The following PDE1A variants were observed in gnomAD, a reference collection of about 807,000 sequenced individuals.
PDE1A encodes dual specificity calcium/calmodulin-dependent 3',5'-cyclic nucleotide phosphodiesterase 1A.
A neutral mutation model predicts 61.7 loss-of-function variants in PDE1A; 35 were observed. That is an observed-to-expected ratio of 0.57 (90% CI 0.43 to 0.75). The LOEUF (loss-of-function observed/expected upper bound fraction) is 0.75. Ranked by LOEUF, PDE1A falls within the 30% of genes least tolerant of loss-of-function variation. The pLI, the probability that PDE1A is intolerant of heterozygous loss-of-function variation, is 0.00. For synonymous variants in PDE1A, 232 were observed against 213.2 expected (o/e 1.09, Z -0.77); for missense variants, 597 against 630.6 (o/e 0.95, Z 0.57).
At chr2:182,292,759 T>G (rs570408622) in intron 1 of PDE1A, among the ~76,000 whole-genome samples, 2 of 152,112 alleles carry the variant, frequency 1.3e-5, no homozygotes, top group African/African-American at 4.8e-5. Context: ...TCTCTCTTTC[T>G]TACCTTTTAA....
At chr2:182,334,846 G>T (rs892492452) in intron 1 of PDE1A, among the ~76,000 whole-genome samples, 1 of 152,160 alleles carries the variant, frequency 6.6e-6, no homozygotes, top group African/African-American at 2.4e-5. Flanking sequence ...GTCTCTGTTT[G>T]CAGATGACAT....
chr2:182,559,842 T>C, the PDE1A span, among the ~76,000 whole-genome samples: 1 of 152,126 alleles, frequency 6.6e-6, no homozygotes, highest in African/African-American at 2.4e-5. Context: ...CTCGCACAAG[T>C]ATCATCGAGC....
chr2:182,487,476 A>G (rs1327317559), intron 2 of PDE1A, among the ~76,000 whole-genome samples: 1 of 152,222 alleles, frequency 6.6e-6, no homozygotes, highest in Non-Finnish European at 1.5e-5. Context: ...TCACAGCAGC[A>G]TTATTTGTAA....
chr2:182,502,568 T>C (rs1293282630), intron 2 of PDE1A, among the ~76,000 whole-genome samples: 2 of 152,206 alleles, frequency 1.3e-5, no homozygotes, highest in African/African-American at 4.8e-5. Flanking sequence ...CAGCTATGTA[T>C]GTATTTGTTA....
chr2:182,611,439 T>C, the PDE1A span, among the ~76,000 whole-genome samples: 1 of 152,240 alleles, frequency 6.6e-6, no homozygotes, highest in Non-Finnish European at 1.5e-5. Context: ...AGGCACAGTA[T>C]TTCCTCTTTG....
chr2:182,592,074 C>T, the PDE1A span, among the ~76,000 whole-genome samples: 1 of 152,208 alleles, frequency 6.6e-6, no homozygotes, highest in African/African-American at 2.4e-5. Flanking sequence ...TAACCATCCT[C>T]TGACTTCAAA....
intron 1 of PDE1A, among the ~76,000 whole-genome samples, chr2:182,403,184 A>G (rs372342206): frequency 3.3e-5 from 5 of 152,210 alleles, no homozygotes; most frequent in African/African-American, 9.7e-5. Context: ...TATATACCCA[A>G]AGGACTATAA....
chr2:182,192,766 A>G lies in PDE1A; in HGVS notation c.1126-3706T>C, dbSNP rs572516579. ...CTGAGGTTCTCAGGCCCCACAGCTTATACCTGTCTTTACAATTCCCTGGAG... is the reference window on the plus strand; with the variant it reads ...CTGAGGTTCTCAGGCCCCACAGCTTGTACCTGTCTTTACAATTCCCTGGAG... On this transcript the variant is annotated intron_variant, in intron 10 of 13. Transcript: ENST00000351439. Among the ~76,000 whole-genome samples the G allele has an allele frequency of 3.8e-4, 58 of 152,224 alleles. 2 individuals are homozygous for G. In the South Asian group the frequency reaches 0.011, roughly 29 times the overall value.
intron 1 of PDE1A, among the ~76,000 whole-genome samples, chr2:182,331,584 T>A (rs748139855): frequency 9.9e-5 from 15 of 152,162 alleles, no homozygotes; most frequent in Non-Finnish European, 8.8e-5. Context: ...CTGTAAAAAA[T>A]TTTATTTCTC....
At chr2:182,274,933 A>G (rs1693300422) in intron 1 of PDE1A, among the ~76,000 whole-genome samples, 1 of 152,122 alleles carries the variant, frequency 6.6e-6, no homozygotes, top group Non-Finnish European at 1.5e-5. Flanking sequence ...ACTGGTATAA[A>G]CTTCTGAGTT....
chr2:182,267,480 C>G (rs1692720518), intron 1 of PDE1A, among the ~76,000 whole-genome samples: 1 of 150,406 alleles, frequency 6.6e-6, no homozygotes, highest in African/African-American at 2.4e-5. Context: ...CTATGCCAAC[C>G]CCAAAAGACT....
At chr2:182,706,125 T>C in the PDE1A span, among the ~76,000 whole-genome samples, 4 of 152,174 alleles carry the variant, frequency 2.6e-5, no homozygotes, top group Non-Finnish European at 5.9e-5. Context: ...CATCAGCAGG[T>C]CAGGCATTTG....
At chr2:182,182,950 A>G (rs1313132660) in intron 13 of PDE1A, among the ~76,000 whole-genome samples, 1 of 152,110 alleles carries the variant, frequency 6.6e-6, no homozygotes, top group Non-Finnish European at 1.5e-5. Flanking sequence ...TAATCTGGTA[A>G]TGTCTTTATT....
chr2:182,541,146 C>A, the PDE1A span, among the ~76,000 whole-genome samples: 5 of 152,228 alleles, frequency 3.3e-5, no homozygotes, highest in Admixed American at 3.3e-4. Context: ...CTAATCTAAA[C>A]ATACTGAAAG....
chr2:182,687,497 A>C, the PDE1A span, among the ~76,000 whole-genome samples: 1 of 152,202 alleles, frequency 6.6e-6, no homozygotes, highest in African/African-American at 2.4e-5. Context: ...GAAAACTAAC[A>C]AACAGAAAGG....
intron 1 of PDE1A, among the ~76,000 whole-genome samples, chr2:182,321,080 G>A (rs1696663895): frequency 6.6e-6 from 1 of 152,058 alleles, no homozygotes; most frequent in South Asian, 2.1e-4. Context: ...AGCATTTAGG[G>A]CAAATAACTG....
intron 2 of PDE1A, among the ~76,000 whole-genome samples, chr2:182,256,520 C>G: frequency 6.6e-6 from 1 of 151,954 alleles, no homozygotes; most frequent in Admixed American, 6.6e-5. Context: ...GGGTATATAT[C>G]CAAAGGACTA....
At chr2:182,537,000 G>C in the PDE1A span, among the ~76,000 whole-genome samples, 1 of 152,178 alleles carries the variant, frequency 6.6e-6, no homozygotes, top group Non-Finnish European at 1.5e-5. Context: ...AAGGCTAAGA[G>C]ATGATCCCAG....
chr2:182,545,227 C>CA, the PDE1A span, among the ~76,000 whole-genome samples: 1 of 152,038 alleles, frequency 6.6e-6, no homozygotes, highest in Admixed American at 6.6e-5. Flanking sequence ...ATAATGGCTG[C>CA]ACCTTCTTCA....
Sources: allele counts gnomAD v4.1 joint callset (sites outside exome capture counted in the v4.1 genomes callset), GRCh38; gene constraint gnomAD v4.1.1; transcripts MANE v1.5; gene names NCBI Gene and HGNC (gene_info 2026-07-23, HGNC 2026-07-21).